The following GRIK1 variants were observed in gnomAD, a reference collection of about 807,000 sequenced individuals.
GRIK1 encodes the protein glutamate ionotropic receptor kainate type subunit 1.
A neutral mutation model predicts 105.7 loss-of-function variants in GRIK1; 69 were observed. The ratio of observed to expected loss-of-function variants is 0.65; its 90% CI spans 0.54 to 0.80. The LOEUF is 0.80. Among genes scored for constraint, GRIK1 ranks in the 30% least tolerant of loss-of-function variants. GRIK1 has a pLI of 0.00. For missense variants in GRIK1, 1,109 were observed against 1,167.3 expected, an observed-to-expected ratio of 0.95 and a Z score of 0.73; for synonymous variants, 438 against 431.3, an observed-to-expected ratio of 1.02 and a Z score of -0.19.
chr21:29,674,877 C>T (rs756548478), intron 3 of GRIK1, among the ~76,000 whole-genome samples: 4 of 152,114 alleles, frequency 2.6e-5, no homozygotes, highest in Admixed American at 6.6e-5. Flanking sequence ...GATTGAATTG[C>T]TAGAATAGTA....
At chr21:29,562,569 C>T (rs1023166260) in intron 14 of GRIK1, among the ~76,000 whole-genome samples, 1 of 151,944 alleles carries the variant, frequency 6.6e-6, no homozygotes, top group African/African-American at 2.4e-5. Context: ...GCAGGAGAAT[C>T]GCTTGAACCC....
intron 6 of GRIK1, among the ~76,000 whole-genome samples, chr21:29,644,848 A>C (rs2062585882): frequency 6.6e-6 from 1 of 152,230 alleles, no homozygotes; most frequent in Non-Finnish European, 1.5e-5. Flanking sequence ...AGCACTTATG[A>C]TATGTCGCAT....
At chr21:29,903,979 A>G (rs1301735978) in intron 1 of GRIK1, among the ~76,000 whole-genome samples, 1 of 152,210 alleles carries the variant, frequency 6.6e-6, no homozygotes, top group Non-Finnish European at 1.5e-5. Context: ...TTGCAGGGAC[A>G]TGGATGAAGC....
chr21:29,713,412 A>C (rs2146825349), intron 1 of GRIK1, among the ~76,000 whole-genome samples: 1 of 152,240 alleles, frequency 6.6e-6, no homozygotes, highest in East Asian at 1.9e-4. Flanking sequence ...AATGCCTATA[A>C]AATTATTCTC....
At position 29,581,375 on chromosome 21, in the gene GRIK1, C is replaced by T. The variant is rs760618269; in HGVS notation, c.1912+50G>A. ...TGGTGGAGTTTACCAGCATGAAAGC[C>T]TGTCAGCACACTGTGGGATGCGTGT... On this transcript the variant is annotated intron_variant, in intron 13 of 17. Coordinates refer to ENST00000327783, the MANE Select transcript of GRIK1 (RefSeq NM_001330994.2). 3 of 1,037,516 alleles carry T rather than the reference C, an allele frequency of 2.9e-6. No individual in the cohort carries two copies. In the Admixed American group the frequency reaches 5.1e-5, roughly 18 times the overall value. The allele number at this position is 1,037,516 out of a possible 1,614,324, so 64.3% of individuals were successfully genotyped here.
intron 1 of GRIK1, among the ~76,000 whole-genome samples, chr21:29,722,849 G>C (rs2064356888): frequency 6.6e-6 from 1 of 152,110 alleles, no homozygotes; most frequent in Admixed American, 6.5e-5. Flanking sequence ...TGAGATTTAA[G>C]AAACTAAAAT....
chr21:29,837,408 G>T (rs1033584062), intron 1 of GRIK1, among the ~76,000 whole-genome samples: 2 of 152,250 alleles, frequency 1.3e-5, no homozygotes, highest in African/African-American at 4.8e-5. Context: ...GTCCAGGGAA[G>T]AACAACTTCT....
chr21:29,662,556 A>G (rs1289252765), intron 4 of GRIK1, among the ~76,000 whole-genome samples: 1 of 152,148 alleles, frequency 6.6e-6, no homozygotes, highest in Admixed American at 6.5e-5. Flanking sequence ...TCTTTTTGCA[A>G]CAAGCTTCTT....
Position 29,619,662 on chromosome 21 carries a change from G to A in GRIK1, c.1099-20725C>T, listed in dbSNP as rs58355769. The stretch of plus-strand genomic sequence containing the variant: ...AAATTGAAAAGTAAAATAAAATTAG[G>A]ACCTAAGAAAAGGAAAAACTCATAT... On this transcript the variant is annotated intron_variant, in intron 7 of 17. Transcript: ENST00000327783. 8.3e-3 allele frequency among the ~76,000 whole-genome samples: 1,259 copies of A among 152,128 alleles called. 12 individuals are homozygous for A. The highest frequency in any genetic ancestry group is 0.029 in the African/African-American group (1,197 of 41,502).
intron 1 of GRIK1, among the ~76,000 whole-genome samples, chr21:29,801,331 C>A (rs1221790344): frequency 6.6e-6 from 1 of 151,872 alleles, no homozygotes; most frequent in Non-Finnish European, 1.5e-5. Context: ...GTACTTACCT[C>A]TTTTTAAATT....
chr21:29,911,637 T>C (rs1569212134), intron 1 of GRIK1, among the ~76,000 whole-genome samples: 1 of 151,888 alleles, frequency 6.6e-6, no homozygotes, highest in Non-Finnish European at 1.5e-5. Flanking sequence ...CTTTGGGAGG[T>C]AATATGGTTT....
chr21:29,832,376 C>T (rs1208320736), intron 1 of GRIK1, among the ~76,000 whole-genome samples: 1 of 152,122 alleles, frequency 6.6e-6, no homozygotes, highest in African/African-American at 2.4e-5. Context: ...GGCTGCAATC[C>T]CACATTTTTC....
chr21:29,766,082 T>G (rs576459945), intron 1 of GRIK1, among the ~76,000 whole-genome samples: 1 of 152,026 alleles, frequency 6.6e-6, no homozygotes, highest in Non-Finnish European at 1.5e-5. Flanking sequence ...ATCTCCTGAC[T>G]TCGTGATCCG....
Position 29,705,097 on chromosome 21 carries a change from G to A in GRIK1, c.119-11034C>T, listed in dbSNP as rs190030393. On this transcript the variant is annotated intron_variant, in intron 1 of 17. Coordinates refer to ENST00000327783, the MANE Select transcript of GRIK1 (RefSeq NM_001330994.2). ...TGTGGTTCCAGGGAAGCTATATTAT[G>A]TGTTGCATCCCAATTTTCTAGTTTT... Among the ~76,000 whole-genome samples the A allele has an allele frequency of 3.9e-3, 593 of 152,306 alleles. 5 individuals are homozygous for A. The highest frequency in any genetic ancestry group is 7.3e-3 in the Non-Finnish European group (496 of 68,022).
At chr21:29,772,870 G>T (rs557813497) in intron 1 of GRIK1, among the ~76,000 whole-genome samples, 39 of 152,180 alleles carry the variant, frequency 2.6e-4, no homozygotes, top group African/African-American at 8.4e-4. Flanking sequence ...AGTTTTCATT[G>T]AACTTTGTTA....
intron 1 of GRIK1, among the ~76,000 whole-genome samples, chr21:29,914,579 C>G (rs553539752): frequency 1.3e-5 from 2 of 152,204 alleles, no homozygotes; most frequent in South Asian, 2.1e-4. Flanking sequence ...GCTTGTTTCA[C>G]AAACAGGCCA....
intron 1 of GRIK1, among the ~76,000 whole-genome samples, chr21:29,818,055 T>A (rs886415649): frequency 6.6e-6 from 1 of 152,092 alleles, no homozygotes; most frequent in Admixed American, 6.6e-5. Flanking sequence ...CAGGACCATT[T>A]AACTCCAAAG....
At chr21:29,745,238 A>G (rs1015034298) in intron 1 of GRIK1, among the ~76,000 whole-genome samples, 3 of 152,184 alleles carry the variant, frequency 2.0e-5, no homozygotes, top group African/African-American at 7.2e-5. Context: ...CCTCAGTCCA[A>G]CGATCCTCAA....
intron 13 of GRIK1, among the ~76,000 whole-genome samples, chr21:29,577,848 A>G (rs918806627): frequency 6.6e-6 from 1 of 152,182 alleles, no homozygotes; most frequent in Non-Finnish European, 1.5e-5. Flanking sequence ...TCTTAACTAC[A>G]CTTCAAAGAC....
Sources: allele counts gnomAD v4.1 joint callset (sites outside exome capture counted in the v4.1 genomes callset), GRCh38; gene constraint gnomAD v4.1.1; transcripts MANE v1.5; gene names NCBI Gene and HGNC (gene_info 2026-07-23, HGNC 2026-07-21).